Variants in LGSN observed in about 807,000 individuals in gnomAD.
LGSN encodes lengsin.
LGSN carries 21 observed loss-of-function variants against 19.5 expected under a neutral mutation model. The observed-to-expected ratio is 1.07, with a 90% CI of 0.76 to 1.55. LGSN has a LOEUF of 1.55. LGSN is among the 40% of genes most tolerant of loss of function. The pLI is 0.00. For synonymous variants in LGSN, 257 were observed against 215.6 expected (o/e 1.19, Z -1.68); for missense variants, 673 against 608.5 (o/e 1.11, Z -1.12).
the LGSN span, among the ~76,000 whole-genome samples, chr6:63,556,253 G>A: frequency 6.6e-6 from 1 of 151,842 alleles, no homozygotes; most frequent in Non-Finnish European, 1.5e-5. Flanking sequence ...CTTCCTCCGA[G>A]GCTCCAGGGT....
At chr6:63,410,329 G>C in the LGSN span, among the ~76,000 whole-genome samples, 2 of 152,058 alleles carry the variant, frequency 1.3e-5, no homozygotes, top group Admixed American at 1.3e-4. Context: ...ACTTTTTGTA[G>C]ACATTCATTT....
chr6:63,473,384 G>A, the LGSN span, among the ~76,000 whole-genome samples: 1 of 139,270 alleles, frequency 7.2e-6, no homozygotes, highest in Non-Finnish European at 1.5e-5. Flanking sequence ...TGAGGCACTA[G>A]AATAGCCTGA....
At chr6:63,398,982 A>C in the LGSN span, among the ~76,000 whole-genome samples, 1 of 152,066 alleles carries the variant, frequency 6.6e-6, no homozygotes, top group African/African-American at 2.4e-5. Context: ...TTTTCAAAAA[A>C]TTTTTGTAGA....
In LGSN at chr6:63,295,104, G is replaced by A. The variant is rs1582032374; in HGVS notation, c.31-59C>T. ...CAGATTATTCAAACAATGATATTTG[G>A]ATGTCGAAAGAGTATATTTGAATAG... On this transcript the variant is annotated intron_variant, in intron 1 of 3. Transcript: ENST00000370657. 2.7e-6 allele frequency: 4 copies of A among 1,496,282 alleles called. No homozygotes were observed. The East Asian group carries it at 6.8e-5, about 25-fold the overall frequency. The allele number at this position is 1,496,282 out of a possible 1,614,324, so 92.7% of individuals were successfully genotyped here.
At chr6:63,345,817 C>G in the LGSN span, among the ~76,000 whole-genome samples, 1 of 151,918 alleles carries the variant, frequency 6.6e-6, no homozygotes, top group Non-Finnish European at 1.5e-5. Context: ...ACAGAAGCAG[C>G]AAAGAATGGG....
the LGSN span, among the ~76,000 whole-genome samples, chr6:63,466,379 C>G: frequency 3.3e-4 from 50 of 152,338 alleles, no homozygotes; most frequent in African/African-American, 1.2e-3. Flanking sequence ...CCTGCCTCAG[C>G]CTCCCAAGTA....
the LGSN span, among the ~76,000 whole-genome samples, chr6:63,559,383 CTT>C: frequency 6.6e-6 from 1 of 152,108 alleles, no homozygotes. Context: ...AGTAAATTTA[CTT>C]TTCACAGTGA....
chr6:63,444,480 G>T, the LGSN span, among the ~76,000 whole-genome samples: 1 of 152,180 alleles, frequency 6.6e-6, no homozygotes, highest in Admixed American at 6.5e-5. Flanking sequence ...TATATGTAAG[G>T]AATAGAGATG....
At chr6:63,472,278 T>C in the LGSN span, among the ~76,000 whole-genome samples, 2 of 152,170 alleles carry the variant, frequency 1.3e-5, no homozygotes, top group Non-Finnish European at 2.9e-5. Context: ...TTATTCAAAA[T>C]TAGAAATGGG....
the LGSN span, among the ~76,000 whole-genome samples, chr6:63,557,900 T>A: frequency 6.6e-6 from 1 of 152,096 alleles, no homozygotes. Flanking sequence ...ATATGCTTTT[T>A]TTTTTTTGAG....
the LGSN span, among the ~76,000 whole-genome samples, chr6:63,402,254 C>T: frequency 6.6e-6 from 1 of 152,036 alleles, no homozygotes; most frequent in African/African-American, 2.4e-5. Flanking sequence ...TGTCTTTTCT[C>T]CAGTGGTGTT....
chr6:63,281,225 AG>A lies in LGSN; in HGVS notation c.331-6del. The A allele has an allele frequency of 6.8e-7, 1 of 1,477,614 alleles. No homozygotes were observed. Among genetic ancestry groups the A allele is most frequent in the East Asian group, 2.4e-5 (1 of 41,182 alleles). 91.5% of individuals were successfully genotyped at this position (1,477,614 alleles called of 1,614,324 possible). A position where few individuals can be genotyped will look rare whatever the true frequency, so the allele number is the denominator to read the frequency against. On this transcript the variant is annotated splice_region_variant and splice_polypyrimidine_tract_variant and intron_variant, in intron 3 of 3. Transcript: ENST00000370657. The stretch of plus-strand genomic sequence containing the variant: ...AACACCATGGCTCACTTTCTCCTAA[AG>A]AAGGAAAAAAATGAAGAAATTAGGT...
At chr6:63,547,884 T>G in the LGSN span, among the ~76,000 whole-genome samples, 1 of 152,184 alleles carries the variant, frequency 6.6e-6, no homozygotes, top group Non-Finnish European at 1.5e-5. Context: ...TTTCCAACAC[T>G]TATTTATTTA....
the LGSN span, among the ~76,000 whole-genome samples, chr6:63,356,970 A>G: frequency 1.5e-5 from 2 of 135,370 alleles, no homozygotes; most frequent in Non-Finnish European, 3.2e-5. Flanking sequence ...TCCTAATGCC[A>G]TCCCTCCCCC....
At chr6:63,316,727 G>A (rs538075587) in intron 1 of LGSN, among the ~76,000 whole-genome samples, 1 of 151,378 alleles carries the variant, frequency 6.6e-6, no homozygotes, top group South Asian at 2.1e-4. Context: ...ATATTTCAAA[G>A]GTAAAAAGAC....
At chr6:63,426,267 G>T in the LGSN span, among the ~76,000 whole-genome samples, 1 of 152,028 alleles carries the variant, frequency 6.6e-6, no homozygotes, top group Non-Finnish European at 1.5e-5. Flanking sequence ...TTTCCCTTTG[G>T]AATTCTGCAA....
At chr6:63,443,021 C>T in the LGSN span, among the ~76,000 whole-genome samples, 10 of 152,314 alleles carry the variant, frequency 6.6e-5, no homozygotes, top group South Asian at 1.2e-3. Context: ...CAGGGAGGCT[C>T]GGACCATGTG....
chr6:63,456,579 C>T, the LGSN span, among the ~76,000 whole-genome samples: 1 of 151,598 alleles, frequency 6.6e-6, no homozygotes, highest in African/African-American at 2.4e-5. Context: ...GTTCATGTCA[C>T]AGAAGAGAGT....
chr6:63,505,374 TCAAGGC>T, the LGSN span, among the ~76,000 whole-genome samples: 1 of 151,320 alleles, frequency 6.6e-6, no homozygotes, highest in South Asian at 2.1e-4. Context: ...GGTCAGGAGT[TCAAGGC>T]CAGCCTGGTC....
Sources: gnomAD v4.1 joint callset for allele counts (sites outside exome capture counted in the v4.1 genomes callset) on GRCh38, gnomAD v4.1.1 for gene constraint, MANE v1.5 for transcripts, NCBI Gene and HGNC (gene_info 2026-07-23, HGNC 2026-07-21) for gene names.